The following ECT2L variants were observed in gnomAD, a reference collection of about 807,000 sequenced individuals.
ECT2L encodes the protein epithelial cell-transforming sequence 2 oncogene-like.
In ECT2L, 126 loss-of-function variants were observed where a neutral mutation model predicts 122.8. The observed-to-expected ratio is 1.03, with a 90% CI of 0.89 to 1.19. The LOEUF (loss-of-function observed/expected upper bound fraction) is 1.19, where lower values mean the gene tolerates loss of function less well. Ranked by LOEUF, ECT2L falls within the 50% of genes most tolerant of loss-of-function variation. The probability of loss-of-function intolerance (pLI) is 0.00; values close to 1 mark genes in which losing one functional copy is unlikely to be tolerated. For synonymous variants in ECT2L, 385 were observed against 381.8 expected, an observed-to-expected ratio of 1.01 and a Z score of -0.10; for missense variants, 1,012 against 1,064.1, an observed-to-expected ratio of 0.95 and a Z score of 0.68.
intron 4 of ECT2L, chr6:138,822,867 A>G (rs1776314548): frequency 5.0e-6 from 8 of 1,614,002 alleles, no homozygotes; most frequent in Non-Finnish European, 6.8e-6. Context: ...AGAATTTGCA[A>G]AAGTTTTCCT....
intron 7 of ECT2L, 150 bp from the exon 8 acceptor site, chr6:138,846,389 A>T: frequency 1.7e-6 from 1 of 578,950 alleles, no homozygotes; most frequent in Non-Finnish European, 2.7e-6. Flanking sequence ...TCCATTTACT[A>T]CTGTCCTCAC....
intron 19 of ECT2L, 78 bp from the exon 20 acceptor site, chr6:138,888,863 TGA>T (rs1219289793): frequency 2.0e-6 from 1 of 505,574 alleles, no homozygotes; most frequent in Non-Finnish European, 3.2e-6. Flanking sequence ...TTGCATATTC[TGA>T]GATATAAAAT....
At chr6:138,830,854 T>G (rs922353115) in intron 4 of ECT2L, among the ~76,000 whole-genome samples, 2 of 152,100 alleles carry the variant, frequency 1.3e-5, no homozygotes, top group African/African-American at 4.8e-5. Flanking sequence ...GTAGAGCACT[T>G]GATCCATACC....
intron 4 of ECT2L, among the ~76,000 whole-genome samples, chr6:138,829,262 T>G (rs1471494280): frequency 6.6e-6 from 1 of 152,208 alleles, no homozygotes; most frequent in Non-Finnish European, 1.5e-5. Context: ...AGGAGCCCTG[T>G]TTCCTTTCGG....
intron 10 of ECT2L, among the ~76,000 whole-genome samples, chr6:138,854,430 A>C (rs1777549043): frequency 6.6e-6 from 1 of 152,274 alleles, no homozygotes; most frequent in East Asian, 1.9e-4. Context: ...ACCAGTATCC[A>C]GGATATAAGG....
intron 20 of ECT2L, among the ~76,000 whole-genome samples, chr6:138,900,267 G>A (rs1369058205): frequency 6.7e-6 from 1 of 149,366 alleles, no homozygotes; most frequent in African/African-American, 2.5e-5. Context: ...TTTTTTTTGA[G>A]GCGGAGTCTC....
Position 138,838,505 on chromosome 6 carries a change from A to G in ECT2L, c.333A>G (p.Leu111=). The G allele has an allele frequency of 6.2e-7, 1 of 1,611,646 alleles. No homozygotes were observed. The highest frequency in any genetic ancestry group is 8.5e-7 in the Non-Finnish European group (1 of 1,179,240). ...AAGTCAGCTGGCCCTGGAAGTTTTT[A>G]ACTGAACAGGTTTACTATTTGCCAC... is the stretch of plus-strand genomic sequence containing the variant. ...AAQVSWPWKF[L]TEQDCLWMPK... Residue 111 remains leucine, a synonymous_variant, in exon 5 of 22, where the codon TTA becomes TTG. Coordinates refer to ENST00000541398, the MANE Select transcript of ECT2L (RefSeq NM_001077706.3).
intron 20 of ECT2L, among the ~76,000 whole-genome samples, chr6:138,892,841 A>C (rs1779078174): frequency 6.6e-6 from 1 of 152,168 alleles, no homozygotes; most frequent in African/African-American, 2.4e-5. Context: ...TGTGTCAGGT[A>C]AAAGGAACTA....
rs1226780703 is a variant in ECT2L, at chr6:138,901,011, T to G, written c.2478T>G (p.Ser826Arg). The G allele has an allele frequency of 6.2e-7, 1 of 1,614,214 alleles. No homozygotes were observed. Among genetic ancestry groups the G allele is most frequent in the Admixed American group, 1.7e-5 (1 of 60,026 alleles). ...TCAATGATGCCCTGCTCGTTTCTAG[T>G]CGGGGCACATCTCACACTCCATTTG... ...FLFNDALLVSSRGTSHTPFER... is the reference protein window; with the variant it reads ...FLFNDALLVSRRGTSHTPFER... Residue 826 changes from serine (S) to arginine (R), a missense_variant, in exon 21 of 22, where the codon AGT becomes AGG. By Grantham distance (110) the Ser-to-Arg change is moderately radical. Coordinates refer to ENST00000541398, the MANE Select transcript of ECT2L (RefSeq NM_001077706.3).
At chr6:138,896,718 G>A (rs1779229581) in intron 20 of ECT2L, among the ~76,000 whole-genome samples, 2 of 152,114 alleles carry the variant, frequency 1.3e-5, no homozygotes, top group South Asian at 4.1e-4. Context: ...CGTGATCTCG[G>A]CTCACTGCAA....
At chr6:138,886,961 G>A in intron 19 of ECT2L, 39 bp downstream of exon 19, 1 of 1,525,248 alleles carries the variant, frequency 6.6e-7, no homozygotes, top group Non-Finnish European at 9.1e-7. Context: ...TCATGCTCAT[G>A]AATACAACCT....
At chr6:138,825,012 C>T (rs770311835) in intron 4 of ECT2L, among the ~76,000 whole-genome samples, 6 of 152,182 alleles carry the variant, frequency 3.9e-5, no homozygotes, top group Non-Finnish European at 8.8e-5. Context: ...TCCCATGATC[C>T]AAGGCCGGCC....
intron 1 of ECT2L, among the ~76,000 whole-genome samples, chr6:138,809,104 A>C (rs1303847805): frequency 6.6e-6 from 1 of 152,188 alleles, no homozygotes; most frequent in Admixed American, 6.5e-5. Flanking sequence ...AACAATGTTA[A>C]ACAAAGATAG....
intron 11 of ECT2L, among the ~76,000 whole-genome samples, chr6:138,864,001 TTAAAA>T (rs1195605777): frequency 3.7e-4 from 15 of 40,002 alleles, no homozygotes; most frequent in African/African-American, 2.3e-3. Flanking sequence ...TTCTCCGTAT[TTAAAA>T]AAAAAAAAAA....
intron 10 of ECT2L, 46 bp downstream of exon 10, chr6:138,854,200 A>G: frequency 6.4e-7 from 1 of 1,556,276 alleles, no homozygotes; most frequent in African/African-American, 1.4e-5. Context: ...ATGCCACTTC[A>G]TGGGGATATG....
chr6:138,869,338 T>C (rs560645012), intron 13 of ECT2L, among the ~76,000 whole-genome samples: 1 of 152,344 alleles, frequency 6.6e-6, no homozygotes, highest in South Asian at 2.1e-4. Context: ...ATAATTCTGC[T>C]TTGTGGGTGA....
At chr6:138,818,514 G>T (rs1243797143) in intron 4 of ECT2L, among the ~76,000 whole-genome samples, 1 of 152,174 alleles carries the variant, frequency 6.6e-6, no homozygotes, top group Non-Finnish European at 1.5e-5. Flanking sequence ...GTTACTGAAT[G>T]TCCATTTAAA....
At chr6:138,838,231 T>G in intron 4 of ECT2L, 121 bp from the exon 5 acceptor site, 1 of 995,272 alleles carries the variant, frequency 1.0e-6, no homozygotes, top group South Asian at 2.3e-5. Flanking sequence ...GATTTATGTT[T>G]TGTTAGGATT....
chr6:138,887,172 G>C (rs1446609885), intron 19 of ECT2L, among the ~76,000 whole-genome samples: 1 of 151,922 alleles, frequency 6.6e-6, no homozygotes, highest in African/African-American at 2.4e-5. Context: ...GTATTACTGT[G>C]ATCACAATGC....
Sources: allele counts gnomAD v4.1 joint callset (sites outside exome capture counted in the v4.1 genomes callset), GRCh38; gene constraint gnomAD v4.1.1; transcripts MANE v1.5; gene names NCBI Gene and HGNC (gene_info 2026-07-23, HGNC 2026-07-21).